STK3: variants seen among roughly 807,000 people sequenced by gnomAD.
STK3 encodes the protein serine/threonine kinase 3.
STK3 carries 41 observed loss-of-function variants against 58.0 expected under a neutral mutation model. That is an observed-to-expected ratio of 0.71 (90% CI 0.55 to 0.92). STK3 has a LOEUF of 0.92. Ranked by LOEUF, STK3 falls within the 40% of genes least tolerant of loss-of-function variation. The pLI is 0.00. For missense variants in STK3, 479 were observed against 602.7 expected (o/e 0.79, Z 2.15); for synonymous variants, 170 against 191.0 (o/e 0.89, Z 0.91).
chr8:98,645,514 CTG>C (rs1820334106), intron 6 of STK3, among the ~76,000 whole-genome samples: 1 of 152,142 alleles, frequency 6.6e-6, no homozygotes, highest in South Asian at 2.1e-4. Context: ...TTGCTAAACA[CTG>C]TATTATATAT....
chr8:98,641,006 A>G (rs764761580), intron 6 of STK3, among the ~76,000 whole-genome samples: 2 of 151,320 alleles, frequency 1.3e-5, no homozygotes, highest in Non-Finnish European at 2.9e-5. Flanking sequence ...TATAGTATAA[A>G]AATATACTAC....
chr8:98,715,345 A>C (rs1377885899), intron 4 of STK3, among the ~76,000 whole-genome samples: 1 of 152,140 alleles, frequency 6.6e-6, no homozygotes, highest in Non-Finnish European at 1.5e-5. Flanking sequence ...GTGAACAGGC[A>C]ACCTACAGAA....
At chr8:98,520,788 G>T (rs895347081) in intron 10 of STK3, among the ~76,000 whole-genome samples, 1 of 151,888 alleles carries the variant, frequency 6.6e-6, no homozygotes, top group African/African-American at 2.4e-5. Flanking sequence ...TTAACATTCT[G>T]TAACTAATAG....
intron 6 of STK3, among the ~76,000 whole-genome samples, chr8:98,670,958 C>A (rs1008989981): frequency 6.6e-6 from 1 of 152,134 alleles, no homozygotes; most frequent in Admixed American, 6.5e-5. Flanking sequence ...GCTGTGGGAT[C>A]CACACTGGAG....
chr8:98,798,345 C>T (rs2131611830), intron 1 of STK3, among the ~76,000 whole-genome samples: 1 of 152,278 alleles, frequency 6.6e-6, no homozygotes, highest in Non-Finnish European at 1.5e-5. Flanking sequence ...ATTTTCCTGA[C>T]TTGGCAAACA....
intron 3 of STK3, among the ~76,000 whole-genome samples, chr8:98,414,843 G>T (rs568097351): frequency 6.6e-6 from 1 of 152,296 alleles, no homozygotes; most frequent in South Asian, 2.1e-4. Context: ...ATGTAAGTGA[G>T]CTCTGCACTA....
intron 6 of STK3, among the ~76,000 whole-genome samples, chr8:98,663,149 C>T (rs1390476819): frequency 6.6e-6 from 1 of 152,094 alleles, no homozygotes; most frequent in Non-Finnish European, 1.5e-5. Context: ...GGCTAATATC[C>T]AGAATCTACA....
chr8:98,875,212 A>G (rs996323723), intron 3 of STK3: 1 of 152,228 alleles, frequency 6.6e-6, no homozygotes, highest in Non-Finnish European at 1.5e-5. Flanking sequence ...CAATAGACCC[A>G]GACCAGAGAT....
intron 9 of STK3, among the ~76,000 whole-genome samples, chr8:98,537,115 T>C (rs950105295): frequency 2.0e-5 from 3 of 152,198 alleles, no homozygotes; most frequent in African/African-American, 7.2e-5. Flanking sequence ...TTCTGTCAGA[T>C]TTTTCTTTTT....
chr8:98,370,379 G>GTGTGTA (rs1041747485), downstream of STK3, among the ~76,000 whole-genome samples: 1 of 151,474 alleles, frequency 6.6e-6, no homozygotes, highest in African/African-American at 2.4e-5. Flanking sequence ...GTGTGTGTGT[G>GTGTGTA]TGTGTATCCT....
chr8:98,765,829 T>C (rs1229166187), intron 3 of STK3, among the ~76,000 whole-genome samples: 1 of 152,250 alleles, frequency 6.6e-6, no homozygotes, highest in Non-Finnish European at 1.5e-5. Context: ...TAAGTAACTT[T>C]AGGCTAAACA....
At chr8:98,838,820 A>G in intron 3 of STK3, among the ~76,000 whole-genome samples, 1 of 151,940 alleles carries the variant, frequency 6.6e-6, no homozygotes, top group East Asian at 1.9e-4. Context: ...CCAAACTCTC[A>G]AGGTTATTCC....
intron 4 of STK3, among the ~76,000 whole-genome samples, chr8:98,742,217 C>T (rs1007086737): frequency 2.0e-4 from 30 of 151,954 alleles, no homozygotes; most frequent in African/African-American, 7.0e-4. Context: ...GGGAATTCTC[C>T]CAAACTCATT....
chr8:98,585,342 T>C (rs557582833), intron 7 of STK3, among the ~76,000 whole-genome samples: 2 of 152,334 alleles, frequency 1.3e-5, no homozygotes, highest in African/African-American at 4.8e-5. Flanking sequence ...GCACCATTTA[T>C]TAAATAGGGA....
chr8:98,362,431 C>T, the STK3 span, among the ~76,000 whole-genome samples: 86,906 of 151,820 alleles, frequency 0.57, 25,165 homozygotes, highest in Admixed American at 0.62. Flanking sequence ...GCTGTGACCG[C>T]TCTGCTGGTC....
intron 6 of STK3, among the ~76,000 whole-genome samples, chr8:98,624,677 A>AC (rs1818578436): frequency 6.6e-6 from 1 of 151,976 alleles, no homozygotes; most frequent in Non-Finnish European, 1.5e-5. Context: ...ACATGGTGAA[A>AC]CCCCATCTCT....
intron 1 of STK3, among the ~76,000 whole-genome samples, chr8:98,914,977 T>C (rs1587842188): frequency 1.3e-5 from 2 of 152,246 alleles, no homozygotes; most frequent in East Asian, 3.8e-4. Context: ...TGTGCAACTT[T>C]GGGCAAGATC....
At chr8:98,876,032 T>C (rs1003365298) in intron 3 of STK3, among the ~76,000 whole-genome samples, 1 of 152,134 alleles carries the variant, frequency 6.6e-6, no homozygotes, top group Non-Finnish European at 1.5e-5. Context: ...AGCAGAGTCA[T>C]AGGAAACTTC....
intron 9 of STK3, among the ~76,000 whole-genome samples, chr8:98,540,003 C>T (rs1242620630): frequency 2.0e-5 from 3 of 152,194 alleles, no homozygotes; most frequent in Non-Finnish European, 4.4e-5. Flanking sequence ...ATCCCCCTGC[C>T]TTGGCTTCCC....
Sources: gnomAD v4.1 joint callset for allele counts (sites outside exome capture counted in the v4.1 genomes callset) on GRCh38, gnomAD v4.1.1 for gene constraint, MANE v1.5 for transcripts, NCBI Gene and HGNC (gene_info 2026-07-23, HGNC 2026-07-21) for gene names.